The following DOT1L variants were observed in gnomAD, a reference collection of about 807,000 sequenced individuals.
DOT1L encodes histone-lysine N-methyltransferase, H3 lysine-79 specific.
DOT1L carries 33 observed loss-of-function variants against 153.3 expected under a neutral mutation model. That is an observed-to-expected ratio of 0.22 (90% CI 0.16 to 0.29). The LOEUF is 0.29. Among genes scored for constraint, DOT1L ranks in the 10% least tolerant of loss-of-function variants. The probability of loss-of-function intolerance (pLI) is 1.00; values close to 1 mark genes in which losing one functional copy is unlikely to be tolerated. For synonymous variants in DOT1L, 1,135 were observed against 965.1 expected (o/e 1.18, Z -3.26); for missense variants, 1,847 against 2,119.9 (o/e 0.87, Z 2.53).
intron 23 of DOT1L, chr19:2,221,464 G>GGAGGCC (rs1266052583): frequency 6.4e-6 from 1 of 156,638 alleles, no homozygotes; most frequent in Admixed American, 6.3e-5. Flanking sequence ...GCAGAAGCAG[G>GGAGGCC]GAGGCCGCCC....
intron 14 of DOT1L, 57 bp from the exon 15 acceptor site, chr19:2,211,040 CCT>C: frequency 6.5e-7 from 1 of 1,545,820 alleles, no homozygotes. Flanking sequence ...CATGCTGACG[CCT>C]CTGCCCACCG....
chr19:2,222,895 A>G lies in DOT1L; in HGVS notation c.3390+336A>G, dbSNP rs988764419. 1 of 371,252 alleles carries G rather than the reference A, an allele frequency of 2.7e-6. No individual in the cohort carries two copies. Among genetic ancestry groups the G allele is most frequent in the African/African-American group, 2.1e-5 (1 of 47,264 alleles). The allele number at this position is 371,252 out of a possible 1,614,324, so 23.0% of individuals were successfully genotyped here. ...CTCTCGGGGGGACAAAAAAAAACACAAAAAAAAACAGGTGGAGGCAGGGGG... is the reference window on the plus strand; with the variant it reads ...CTCTCGGGGGGACAAAAAAAAACACGAAAAAAAACAGGTGGAGGCAGGGGG... On this transcript the variant is annotated intron_variant, in intron 24 of 27. Transcript: ENST00000398665. This position sits in a 1 kb window ranked among gnomAD's most constrained non-coding sequence, Gnocchi z 6.5.
intron 27 of DOT1L, 94 bp downstream of exon 27, chr19:2,227,221 A>G: frequency 6.7e-7 from 1 of 1,488,602 alleles, no homozygotes; most frequent in East Asian, 2.3e-5. Flanking sequence ...TTGCAGCAGG[A>G]GCTGAGCTGC....
chr19:2,225,243 A>C, intron 25 of DOT1L, 145 bp from the exon 26 acceptor site: 1 of 729,520 alleles, frequency 1.4e-6, no homozygotes, highest in Admixed American at 2.1e-5. Flanking sequence ...GGCCTGGCCC[A>C]GGGTGGCTGC....
At chr19:2,201,351 C>G (rs2023273789) in intron 8 of DOT1L, among the ~76,000 whole-genome samples, 3 of 151,962 alleles carry the variant, frequency 2.0e-5, no homozygotes. Flanking sequence ...CCGTCGTCCT[C>G]CCCGCTCCCC....
In DOT1L at chr19:2,216,342, G is replaced by T. The variant is rs756664480; in HGVS notation, c.1985G>T (p.Cys662Phe). 1.3e-5 allele frequency: 21 copies of T among 1,608,038 alleles called. No homozygotes were observed. The Admixed American group carries it at 3.3e-4, about 26-fold the overall frequency. The change falls in exon 20 of 28, where the codon TGT becomes TTT. Residue 662 changes from cysteine (C) to phenylalanine (F), a missense_variant. This residue lies in a region of DOT1L where 156 missense variants were observed against 235.7 expected (regional missense o/e 0.66). Coordinates refer to ENST00000398665, the MANE Select transcript of DOT1L (RefSeq NM_032482.3). Reference sequence around the variant, plus strand: ...CAGGAGCTCCTGCAGCTCAAGTCCTGTGTGCCGCCTGACGACGCCCTGTCC... The same window carrying T: ...CAGGAGCTCCTGCAGCTCAAGTCCTTTGTGCCGCCTGACGACGCCCTGTCC... Reference protein sequence around the residue: ...RQQELLQLKSCVPPDDALSLH... With the variant: ...RQQELLQLKSFVPPDDALSLH...
chr19:2,194,624 C>A (rs373829536), intron 7 of DOT1L, 47 bp downstream of exon 7: 6 of 1,580,838 alleles, frequency 3.8e-6, no homozygotes, highest in African/African-American at 2.7e-5. Flanking sequence ...GCCCCACCCC[C>A]GCTCCCACCC....
At position 2,209,047 on chromosome 19, in the gene DOT1L, C is replaced by G. The variant is rs143881128; in HGVS notation, c.1005+71C>G. ...TGATGTGGGGAAATGCAAAGCCGTG[C>G]GCAGCCGGGTTCAGGAGCCACGACT... On this transcript the variant is annotated intron_variant, in intron 12 of 27. Coordinates refer to ENST00000398665, the MANE Select transcript of DOT1L (RefSeq NM_032482.3). 4 of 1,548,644 alleles carry G rather than the reference C, an allele frequency of 2.6e-6. No individual in the cohort carries two copies. The African/African-American group carries it at 5.5e-5, about 21-fold the overall frequency.
rs2024203293 is a variant in DOT1L, at chr19:2,223,363, A to G, written c.3473A>G (p.Gln1158Arg). ...TSLKSSPVPY[Q>R]DHDQPPVLKK... ...CTGAAGAGCTCCCCTGTGCCCTACC[A>G]GGACCACGACCAGCCCCCCGTGCTC... Residue 1158 changes from glutamine to arginine, a missense_variant, in exon 25 of 28, where the codon CAG becomes CGG. Transcript: ENST00000398665. The G allele has an allele frequency of 2.5e-6, 4 of 1,613,662 alleles. No individual in the cohort carries two copies. In the Middle Eastern group the frequency reaches 4.9e-4, roughly 199 times the overall value.
intron 3 of DOT1L, among the ~76,000 whole-genome samples, chr19:2,188,974 C>G (rs956384679): frequency 1.3e-5 from 2 of 152,224 alleles, no homozygotes; most frequent in African/African-American, 2.4e-5. Flanking sequence ...CTCTGGTGGG[C>G]TCTGCCCCGA....
intron 1 of DOT1L, among the ~76,000 whole-genome samples, chr19:2,179,944 G>A (rs1053394251): frequency 1.3e-5 from 2 of 152,122 alleles, no homozygotes; most frequent in Middle Eastern, 3.2e-3. Flanking sequence ...CACGTGTCCT[G>A]GTGGCGTGCA....
Position 2,216,496 on chromosome 19 carries a change from G to A in DOT1L, c.2139G>A (p.Met713Ile). The A allele has an allele frequency of 6.2e-7, 1 of 1,612,636 alleles. No individual in the cohort carries two copies. The highest frequency in any genetic ancestry group is 1.3e-5 in the African/African-American group (1 of 75,052). The change falls in exon 20 of 28, where the codon ATG becomes ATA. Residue 713 changes from methionine (M) to isoleucine (I), a missense_variant. Met to Ile is a conservative substitution (Grantham distance 10, BLOSUM62 1). This residue lies in a region of DOT1L where 281 missense variants were observed against 263.6 expected (regional missense o/e 1.07). Coordinates refer to ENST00000398665, the MANE Select transcript of DOT1L (RefSeq NM_032482.3). The part of the protein sequence containing the change: ...HLSSMSPELS[M>I]NGQAAGYELC... ...GCAGCATGAGCCCGGAGCTCTCCATGAACGGCCAGGCTGCTGGCTATGAGC... is the reference window on the plus strand; with the variant it reads ...GCAGCATGAGCCCGGAGCTCTCCATAAACGGCCAGGCTGCTGGCTATGAGC...
rs1255904347 is a variant in DOT1L, at chr19:2,220,889, A to G, written c.2806+667A>G. 1 of 271,822 alleles carries G rather than the reference A, an allele frequency of 3.7e-6. No individual in the cohort carries two copies. Among genetic ancestry groups the G allele is most frequent in the Non-Finnish European group, 7.3e-6 (1 of 136,492 alleles). The allele number at this position is 271,822 out of a possible 1,614,324, so 16.8% of individuals were successfully genotyped here. ...CTACTTTTTTAGGAGTAAAAAGTAA[A>G]ATGTGGCCGGGCGTGGTGGCTCATG... On this transcript the variant is annotated intron_variant, in intron 23 of 27. Coordinates refer to ENST00000398665, the MANE Select transcript of DOT1L (RefSeq NM_032482.3). This position sits in a 1 kb window ranked among gnomAD's most constrained non-coding sequence, Gnocchi z 4.5.
rs1252341090 is a variant in DOT1L at position 2,207,967 on chromosome 19, G to A, written c.963+287G>A. Among the ~76,000 whole-genome samples the A allele has an allele frequency of 5.9e-5, 9 of 152,140 alleles. No individual in the cohort carries two copies. The highest frequency in any genetic ancestry group is 1.3e-4 in the Non-Finnish European group (9 of 68,004). On this transcript the variant is annotated intron_variant, in intron 11 of 27. Transcript: ENST00000398665. This position sits in a 1 kb window ranked among gnomAD's most constrained non-coding sequence, Gnocchi z 4.5. The stretch of plus-strand genomic sequence containing the variant: ...TGGGGTGGGGCGGGGCCATCAGAGT[G>A]ATGTGTGACCATAAGGGTCCCGGCC...
rs979768407 is a variant in DOT1L, at chr19:2,167,456, G to A, written c.81+3191G>A. ...TCCATTGTAAATAGTAAGGGCGAGA[G>A]CTGGCGGGAGCGGGCTTTCTAGTGG... is the stretch of plus-strand genomic sequence containing the variant. On this transcript the variant is annotated intron_variant, in intron 1 of 27. Coordinates refer to ENST00000398665, the MANE Select transcript of DOT1L (RefSeq NM_032482.3). 4.6e-5 allele frequency among the ~76,000 whole-genome samples: 7 copies of A among 152,338 alleles called. No individual in the cohort carries two copies. The South Asian group carries it at 1.4e-3, about 32-fold the overall frequency.
At chr19:2,209,998 G>A (rs796988028) in intron 12 of DOT1L, among the ~76,000 whole-genome samples, 3 of 152,238 alleles carry the variant, frequency 2.0e-5, no homozygotes, top group African/African-American at 7.2e-5. Flanking sequence ...GGCGTCCCAT[G>A]TGTGGGCCTC....
intron 9 of DOT1L, among the ~76,000 whole-genome samples, chr19:2,206,433 C>T (rs1396792039): frequency 6.6e-6 from 1 of 150,600 alleles, no homozygotes; most frequent in East Asian, 2.0e-4. Context: ...TGGTGTGCGC[C>T]TGTAATCACA....
intron 3 of DOT1L, among the ~76,000 whole-genome samples, chr19:2,187,338 G>A (rs545507515): frequency 1.3e-5 from 2 of 152,384 alleles, no homozygotes; most frequent in East Asian, 3.9e-4. Flanking sequence ...CGTGTCAGAC[G>A]CTGTGCTCAC....
rs771697301 is a variant in DOT1L, at chr19:2,232,467, C to T, written c.*2675C>T. ...TTCCGGGTGAACTGTATTTGGATTG[C>T]GCGCATTGTCACGGTCCGCCCCTGG... On this transcript the variant is annotated 3_prime_UTR_variant, in exon 28 of 28. Coordinates refer to ENST00000398665, the MANE Select transcript of DOT1L (RefSeq NM_032482.3). 21 of 221,384 alleles carry T rather than the reference C, an allele frequency of 9.5e-5. No homozygotes were observed. The highest frequency in any genetic ancestry group is 2.3e-4 in the Admixed American group (4 of 17,400). 13.7% of individuals were successfully genotyped at this position (221,384 alleles called of 1,614,324 possible).
Sources: allele counts gnomAD v4.1 joint callset (sites outside exome capture counted in the v4.1 genomes callset), GRCh38; gene constraint gnomAD v4.1.1; regional missense constraint gnomAD v4.1.1; non-coding constraint Gnocchi (gnomAD v3.1); transcripts MANE v1.5; gene names NCBI Gene and HGNC (gene_info 2026-07-23, HGNC 2026-07-21).